Variants in SUPT3H observed in about 807,000 individuals in gnomAD.
SUPT3H encodes transcription initiation protein SPT3 homolog.
SUPT3H carries 44 observed loss-of-function variants against 44.3 expected under a neutral mutation model. The observed-to-expected ratio is 0.99, with a 90% confidence interval of 0.78 to 1.28. The LOEUF is 1.28. Among genes scored for constraint, SUPT3H ranks in the 50% most tolerant of loss-of-function variants. The pLI is 0.00. For missense variants in SUPT3H, 380 were observed against 387.1 expected (o/e 0.98, Z 0.15); for synonymous variants, 124 against 125.6 (o/e 0.99, Z 0.09).
intron 2 of SUPT3H, among the ~76,000 whole-genome samples, chr6:45,142,580 T>C (rs1466368240): frequency 6.6e-6 from 1 of 151,290 alleles, no homozygotes; most frequent in African/African-American, 2.4e-5. Flanking sequence ...CTACTAAAAA[T>C]ACAAAATTAG....
intron 2 of SUPT3H, among the ~76,000 whole-genome samples, chr6:45,182,931 A>G (rs1048560672): frequency 2.0e-5 from 3 of 152,228 alleles, no homozygotes; most frequent in African/African-American, 7.2e-5. Context: ...GATCCTCAAA[A>G]GGTTAAACAT....
At chr6:44,985,460 C>G (rs908667289) in intron 6 of SUPT3H, among the ~76,000 whole-genome samples, 1 of 152,154 alleles carries the variant, frequency 6.6e-6, no homozygotes, top group Admixed American at 6.5e-5. Context: ...TCCTAAAAGT[C>G]TGTTTAGGGT....
intron 9 of SUPT3H, among the ~76,000 whole-genome samples, chr6:44,941,244 TTG>T (rs1405232769): frequency 6.6e-6 from 1 of 152,144 alleles, no homozygotes; most frequent in African/African-American, 2.4e-5. Flanking sequence ...TTTTATACTT[TTG>T]TGTCTTTGTA....
chr6:45,177,208 A>G (rs986457470), intron 2 of SUPT3H, among the ~76,000 whole-genome samples: 1 of 152,198 alleles, frequency 6.6e-6, no homozygotes, highest in African/African-American at 2.4e-5. Context: ...AATAACCAAT[A>G]CAGAGAAGTG....
chr6:45,286,367 T>C (rs1380632593), intron 2 of SUPT3H, among the ~76,000 whole-genome samples: 2 of 152,100 alleles, frequency 1.3e-5, no homozygotes, highest in Admixed American at 6.6e-5. Flanking sequence ...GGCGAATATC[T>C]AGAATCTACA....
At chr6:45,029,196 T>C (rs1018583400) in intron 3 of SUPT3H, among the ~76,000 whole-genome samples, 15 of 151,894 alleles carry the variant, frequency 9.9e-5, no homozygotes, top group African/African-American at 3.6e-4. Context: ...TTTTAGAGTT[T>C]CATTTTAACT....
intron 3 of SUPT3H, among the ~76,000 whole-genome samples, chr6:45,078,619 T>G (rs1438037357): frequency 6.6e-6 from 1 of 152,216 alleles, no homozygotes; most frequent in Non-Finnish European, 1.5e-5. Context: ...TTCCCTCAGC[T>G]TTTGCTCCTC....
At chr6:45,044,590 T>C (rs1188000551) in intron 3 of SUPT3H, among the ~76,000 whole-genome samples, 1 of 152,210 alleles carries the variant, frequency 6.6e-6, no homozygotes, top group Non-Finnish European at 1.5e-5. Context: ...TCAGGCACTA[T>C]ACCAGGAATT....
intron 2 of SUPT3H, chr6:45,328,657 T>C: frequency 1.2e-6 from 2 of 1,611,224 alleles, no homozygotes; most frequent in Non-Finnish European, 1.7e-6. Context: ...GTTTGTATTT[T>C]CAGTTTAAGG....
chr6:45,376,498 A>C (rs1796792569), intron 1 of SUPT3H, among the ~76,000 whole-genome samples: 1 of 152,240 alleles, frequency 6.6e-6, no homozygotes, highest in Admixed American at 6.5e-5. Context: ...CAAGTGCTGA[A>C]GAGCCACTGT....
chr6:45,100,223 C>A (rs1156556004), intron 3 of SUPT3H, among the ~76,000 whole-genome samples: 1 of 151,716 alleles, frequency 6.6e-6, no homozygotes, highest in Non-Finnish European at 1.5e-5. Context: ...GGCAACAAAA[C>A]CAAAAATAGA....
At chr6:44,886,041 T>A (rs1762224391) in intron 10 of SUPT3H, among the ~76,000 whole-genome samples, 1 of 151,838 alleles carries the variant, frequency 6.6e-6, no homozygotes. Context: ...ATGAATGAAA[T>A]GAAGTGAGAA....
At chr6:45,222,328 C>T (rs1766200433) in intron 2 of SUPT3H, among the ~76,000 whole-genome samples, 2 of 152,056 alleles carry the variant, frequency 1.3e-5, no homozygotes, top group African/African-American at 2.4e-5. Flanking sequence ...GTAAGGAAAA[C>T]ACTCAACGCT....
intron 2 of SUPT3H, among the ~76,000 whole-genome samples, chr6:45,310,125 C>T (rs4714850): frequency 0.15 from 22,818 of 152,108 alleles, 1,958 homozygotes; most frequent in East Asian, 0.26. Flanking sequence ...CCTTTCAGTT[C>T]GCTTGGGAGC....
At chr6:45,245,500 C>T (rs976164708) in intron 2 of SUPT3H, among the ~76,000 whole-genome samples, 1 of 152,090 alleles carries the variant, frequency 6.6e-6, no homozygotes, top group Admixed American at 6.6e-5. Flanking sequence ...ATGAATTTGA[C>T]CATTCTAGGT....
chr6:45,366,574 AC>A (rs1422552014), intron 1 of SUPT3H, among the ~76,000 whole-genome samples: 1 of 152,176 alleles, frequency 6.6e-6, no homozygotes, highest in Non-Finnish European at 1.5e-5. Context: ...TCTGCTAAAA[AC>A]TTTTATATAA....
intron 2 of SUPT3H, among the ~76,000 whole-genome samples, chr6:45,108,065 C>A (rs115405894): frequency 2.6e-5 from 4 of 152,200 alleles, no homozygotes; most frequent in African/African-American, 9.7e-5. Context: ...TACTATCCAA[C>A]TTAATGGTGA....
intron 10 of SUPT3H, among the ~76,000 whole-genome samples, chr6:44,928,909 A>AAAAAAAAAAG (rs1491361687): frequency 1.3e-4 from 18 of 139,136 alleles, no homozygotes; most frequent in African/African-American, 4.6e-4. Flanking sequence ...AAAAAAGAAA[A>AAAAAAAAAAG]GAAAAGAAAC....
chr6:45,216,454 T>C (rs1369065030), intron 2 of SUPT3H, among the ~76,000 whole-genome samples: 1 of 152,146 alleles, frequency 6.6e-6, no homozygotes, highest in African/African-American at 2.4e-5. Flanking sequence ...TTGTAAATAA[T>C]AACTTTAAAT....
Sources: gnomAD v4.1 joint callset for allele counts (sites outside exome capture counted in the v4.1 genomes callset) on GRCh38, gnomAD v4.1.1 for gene constraint, MANE v1.5 for transcripts, NCBI Gene and HGNC (gene_info 2026-07-23, HGNC 2026-07-21) for gene names.